Variants in PHACTR2 observed in about 807,000 individuals in gnomAD.
PHACTR2 encodes the protein phosphatase and actin regulator 2.
Under a neutral mutation model 76.0 loss-of-function variants are expected in PHACTR2, and 30 were observed. That is an observed-to-expected ratio of 0.39 (90% confidence interval 0.30 to 0.54). PHACTR2 has a LOEUF of 0.54. PHACTR2 is among the 20% of genes least tolerant of loss of function. PHACTR2 has a pLI of 0.61. For synonymous variants in PHACTR2, 292 were observed against 292.5 expected (o/e 1.00, Z 0.02); for missense variants, 696 against 781.1 (o/e 0.89, Z 1.30).
chr6:143,635,668 G>A (rs147514924), intron 1 of PHACTR2, among the ~76,000 whole-genome samples: 23 of 152,194 alleles, frequency 1.5e-4, no homozygotes, highest in African/African-American at 4.6e-4. Context: ...AGTGCCAGTC[G>A]TATGTACTTC....
In PHACTR2 at chr6:143,821,038, A is replaced by G. The variant is rs530986354; in HGVS notation, c.1923-2636A>G. ...GGCCCTTTGCGCCAAGGCTGGAGCC[A>G]AAGTGGCTGGGATGCAGGGAACAAT... is the stretch of plus-strand genomic sequence containing the variant. On this transcript the variant is annotated intron_variant, in intron 12 of 12. Coordinates refer to ENST00000440869, the MANE Select transcript of PHACTR2 (RefSeq NM_001100164.2). The surrounding 1 kb of genome is among the most constrained non-coding windows in gnomAD (Gnocchi z 5.2). Among the ~76,000 whole-genome samples the G allele has an allele frequency of 1.7e-4, 26 of 152,372 alleles. No homozygotes were observed. Among genetic ancestry groups the G allele is most frequent in the Admixed American group, 9.8e-4 (15 of 15,302 alleles).
intron 11 of PHACTR2, among the ~76,000 whole-genome samples, chr6:143,792,950 G>A (rs1191679993): frequency 6.6e-6 from 1 of 152,192 alleles, no homozygotes; most frequent in Non-Finnish European, 1.5e-5. Flanking sequence ...TCAAGGAAAG[G>A]GGAATTAATT....
rs1207078751 is a variant in PHACTR2 at position 143,738,213 on chromosome 6, C to G, written c.215-10772C>G. On this transcript the variant is annotated intron_variant, in intron 2 of 12. Coordinates refer to ENST00000440869, the MANE Select transcript of PHACTR2 (RefSeq NM_001100164.2). The surrounding 1 kb of genome is among the most constrained non-coding windows in gnomAD (Gnocchi z 4.0). ...GATCACAAGGTCAGGAGTTCGAAACCAGTGGGGGGCGCCTGTAATCCCAGC... is the reference window on the plus strand; with the variant it reads ...GATCACAAGGTCAGGAGTTCGAAACGAGTGGGGGGCGCCTGTAATCCCAGC... 6.6e-6 allele frequency among the ~76,000 whole-genome samples: 1 copy of G among 151,838 alleles called. No individual in the cohort carries two copies. The highest frequency in any genetic ancestry group is 2.4e-5 in the African/African-American group (1 of 41,300).
At chr6:143,736,516 T>C (rs555851213) in intron 2 of PHACTR2, among the ~76,000 whole-genome samples, 3 of 147,900 alleles carry the variant, frequency 2.0e-5, no homozygotes, top group Non-Finnish European at 4.5e-5. Context: ...AAAAAACTCC[T>C]ATTTCTTTGG....
In PHACTR2 at chr6:143,793,971, C is replaced by T. The variant is rs1775772338; in HGVS notation, c.1845+5061C>T. Reference sequence around the variant, plus strand: ...TTTAAAGATAAAAAATAGAAAAATGCAACAATTTAAGATGTTTATGTGTAG... The same window carrying T: ...TTTAAAGATAAAAAATAGAAAAATGTAACAATTTAAGATGTTTATGTGTAG... On this transcript the variant is annotated intron_variant, in intron 11 of 12. Transcript: ENST00000440869. The surrounding 1 kb of genome is among the most constrained non-coding windows in gnomAD (Gnocchi z 4.4). Among the ~76,000 whole-genome samples, 1 of 151,626 alleles carries T rather than the reference C, an allele frequency of 6.6e-6. No homozygotes were observed. Among genetic ancestry groups the T allele is most frequent in the East Asian group, 1.9e-4 (1 of 5,186 alleles).
intron 2 of PHACTR2, among the ~76,000 whole-genome samples, chr6:143,744,033 C>T (rs1485059310): frequency 6.6e-6 from 1 of 152,216 alleles, no homozygotes; most frequent in Non-Finnish European, 1.5e-5. Context: ...AGAAGGACAT[C>T]ATAAATCATT....
At chr6:143,815,208 G>T (rs969711861) in intron 12 of PHACTR2, among the ~76,000 whole-genome samples, 3 of 152,124 alleles carry the variant, frequency 2.0e-5, no homozygotes, top group Non-Finnish European at 4.4e-5. Context: ...TGAAAGCAAG[G>T]CTCAGTATTG....
At chr6:143,622,236 T>A (rs1227746028) in intron 1 of PHACTR2, among the ~76,000 whole-genome samples, 1 of 152,092 alleles carries the variant, frequency 6.6e-6, no homozygotes, top group African/African-American at 2.4e-5. Flanking sequence ...TGCCCAAACC[T>A]CAGGATAAAA....
In PHACTR2 at chr6:143,809,909, C is replaced by T. The variant is rs1396578461; in HGVS notation, c.1922+2776C>T. Among the ~76,000 whole-genome samples, 4 of 151,986 alleles carry T rather than the reference C, an allele frequency of 2.6e-5. No homozygotes were observed. Among genetic ancestry groups the T allele is most frequent in the East Asian group, 1.9e-4 (1 of 5,166 alleles). On this transcript the variant is annotated intron_variant, in intron 12 of 12. Transcript: ENST00000440869. The surrounding 1 kb of genome is among the most constrained non-coding windows in gnomAD (Gnocchi z 4.2). Reference sequence around the variant, plus strand: ...GGCAGATCTTTTGAGCTCAGGAGTTCGAGACCAGCCTGGACAACATAGCAA... The same window carrying T: ...GGCAGATCTTTTGAGCTCAGGAGTTTGAGACCAGCCTGGACAACATAGCAA...
Position 143,557,039 on chromosome 6 carries a change from G to A in PHACTR2, c.217+19832G>A, listed in dbSNP as rs368176708. On this transcript the variant is annotated intron_variant, in intron 1 of 11. Coordinates refer to the PHACTR2 transcript ENST00000367584. This position sits in a 1 kb window ranked among gnomAD's most constrained non-coding sequence, Gnocchi z 5.5. The stretch of plus-strand genomic sequence containing the variant: ...CAGTTAGAGAGGGCCACAGGAGCTC[G>A]CCTACCATCTCTCTCCAAAATATGT... 6.6e-5 allele frequency among the ~76,000 whole-genome samples: 10 copies of A among 152,114 alleles called. No individual in the cohort carries two copies. The highest frequency in any genetic ancestry group is 2.1e-4 in the South Asian group (1 of 4,822).
At chr6:143,713,912 G>A (rs966518596) in intron 2 of PHACTR2, among the ~76,000 whole-genome samples, 1 of 152,144 alleles carries the variant, frequency 6.6e-6, no homozygotes, top group Non-Finnish European at 1.5e-5. Context: ...CGTAACGTAC[G>A]AAAACGAACA....
rs2128431727 is a variant in PHACTR2, at chr6:143,571,636, A to C, written c.217+34429A>C. Among the ~76,000 whole-genome samples the C allele has an allele frequency of 6.6e-6, 1 of 152,138 alleles. No individual in the cohort carries two copies. Among genetic ancestry groups the C allele is most frequent in the Middle Eastern group, 3.4e-3 (1 of 294 alleles). On this transcript the variant is annotated intron_variant, in intron 1 of 11. Coordinates refer to the PHACTR2 transcript ENST00000367584. The surrounding 1 kb of genome is among the most constrained non-coding windows in gnomAD (Gnocchi z 4.6). ...GCTATGTTTCCCAGGCCGGTCAATC[A>C]TCACTCATTTTGTTGCCCACATTGT...
upstream of PHACTR2, among the ~76,000 whole-genome samples, chr6:143,673,088 C>T (rs965913721): frequency 6.6e-6 from 1 of 152,138 alleles, no homozygotes; most frequent in African/African-American, 2.4e-5. Context: ...AACACCCACC[C>T]TCCACCGTAC....
chr6:143,751,809 C>CACACACACAT lies in PHACTR2; in HGVS notation c.296-1936_296-1935insTACACACACA, dbSNP rs1243346462. On this transcript the variant is annotated intron_variant, in intron 3 of 12. Transcript: ENST00000440869. The surrounding 1 kb of genome is among the most constrained non-coding windows in gnomAD (Gnocchi z 5.7). ...TTTTACTTACACACACACACACACA[C>CACACACACAT]ACACACACACACACACTATATCAAG... Among the ~76,000 whole-genome samples, 1 of 151,696 alleles carries CACACACACAT rather than the reference C, an allele frequency of 6.6e-6. No individual in the cohort carries two copies. Among genetic ancestry groups the CACACACACAT allele is most frequent in the Non-Finnish European group, 1.5e-5 (1 of 67,950 alleles).
chr6:143,655,182 A>G (rs1308051621), intron 1 of PHACTR2, among the ~76,000 whole-genome samples: 1 of 151,562 alleles, frequency 6.6e-6, no homozygotes, highest in Non-Finnish European at 1.5e-5. Context: ...AAAGAAAAAG[A>G]AAAAAAAGAA....
chr6:143,786,882 T>C (rs1002923460), intron 10 of PHACTR2, among the ~76,000 whole-genome samples: 1 of 152,316 alleles, frequency 6.6e-6, no homozygotes, highest in Admixed American at 6.5e-5. Context: ...CAAGTTGAGA[T>C]TTGGGTGAGG....
At chr6:143,555,067 G>A (rs1159369834) in intron 1 of PHACTR2, 2 of 152,166 alleles carry the variant, frequency 1.3e-5, no homozygotes, top group African/African-American at 4.8e-5. Context: ...TACACATACG[G>A]AGGATTTACA....
At chr6:143,694,537 T>C (rs1777726440) in intron 1 of PHACTR2, among the ~76,000 whole-genome samples, 1 of 152,210 alleles carries the variant, frequency 6.6e-6, no homozygotes, top group Non-Finnish European at 1.5e-5. Context: ...TGTCACTACA[T>C]ATATAGTCTT....
At chr6:143,551,557 C>T (rs1424991695) in intron 1 of PHACTR2, among the ~76,000 whole-genome samples, 2 of 152,140 alleles carry the variant, frequency 1.3e-5, no homozygotes, top group Admixed American at 1.3e-4. Context: ...GGTTTCTCAA[C>T]ACCCGGACCA....
Sources: allele counts gnomAD v4.1 joint callset (sites outside exome capture counted in the v4.1 genomes callset), GRCh38; gene constraint gnomAD v4.1.1; non-coding constraint Gnocchi (gnomAD v3.1); transcripts MANE v1.5; gene names NCBI Gene and HGNC (gene_info 2026-07-23, HGNC 2026-07-21).